The following FANCB variants were observed in gnomAD, a reference collection of about 807,000 sequenced individuals.
FANCB encodes the protein Fanconi anemia group B protein.
FANCB carries 5 observed loss-of-function variants against 38.9 expected under a neutral mutation model. The observed-to-expected ratio is 0.13, with a 90% CI of 0.07 to 0.27. The LOEUF (loss-of-function observed/expected upper bound fraction) is 0.27, where lower values mean the gene tolerates loss of function less well. FANCB is among the 10% of genes least tolerant of loss of function. FANCB has a pLI of 1.00. For missense variants in FANCB, 573 were observed against 602.7 expected, an observed-to-expected ratio of 0.95 and a Z score of 0.52; for synonymous variants, 236 against 215.4, an observed-to-expected ratio of 1.10 and a Z score of -0.84.
At chrX:14,779,237 C>T in the FANCB span, among the ~76,000 whole-genome samples, 1 of 112,559 alleles carries the variant, frequency 8.9e-6, no homozygotes, top group African/African-American at 3.2e-5. Context: ...AAATCACTTG[C>T]ACACAAATTC....
chrX:14,807,485 A>C, the FANCB span, among the ~76,000 whole-genome samples: 1 of 112,499 alleles, frequency 8.9e-6, no homozygotes, highest in South Asian at 3.7e-4. Context: ...TTGATGTATT[A>C]CGATAAGTTA....
At chrX:14,707,556 A>G in the FANCB span, among the ~76,000 whole-genome samples, 1,303 of 72,038 alleles carry the variant, frequency 0.018, 31 homozygotes, top group African/African-American at 0.06. Context: ...TAGTTTTTTA[A>G]CCCACCCCCC....
At chrX:14,815,073 G>A in the FANCB span, among the ~76,000 whole-genome samples, 7 of 111,236 alleles carry the variant, frequency 6.3e-5, no homozygotes, top group South Asian at 2.6e-3. Context: ...CACAAGGACA[G>A]AAAACCAAAC....
chrX:14,797,924 G>A, the FANCB span, among the ~76,000 whole-genome samples: 2 of 110,452 alleles, frequency 1.8e-5, no homozygotes, highest in Non-Finnish European at 3.8e-5. Flanking sequence ...GGGTAGCCAA[G>A]TGTTTCCTCT....
At chrX:14,694,318 A>AAT in the FANCB span, among the ~76,000 whole-genome samples, 5 of 111,748 alleles carry the variant, frequency 4.5e-5, no homozygotes, top group Admixed American at 1.9e-4. Flanking sequence ...TCACAGGTTA[A>AAT]ATATATATAT....
chrX:14,758,990 G>C, the FANCB span, among the ~76,000 whole-genome samples: 1 of 110,583 alleles, frequency 9.0e-6, no homozygotes, highest in Admixed American at 9.6e-5. Flanking sequence ...AGATATGAAG[G>C]GAAAAATCTT....
At chrX:14,825,965 G>C in the FANCB span, among the ~76,000 whole-genome samples, 5 of 112,215 alleles carry the variant, frequency 4.5e-5, no homozygotes, top group African/African-American at 1.6e-4. Flanking sequence ...GAAGTTAACA[G>C]AGACAGTTCT....
the FANCB span, among the ~76,000 whole-genome samples, chrX:14,815,582 T>C: frequency 2.7e-5 from 3 of 112,373 alleles, no homozygotes; most frequent in East Asian, 8.4e-4. Context: ...GGTAAATTAG[T>C]ACAACCTCTA....
intron 7 of FANCB, among the ~76,000 whole-genome samples, chrX:14,846,995 G>C (rs200905642): frequency 4.6e-5 from 5 of 109,756 alleles, no homozygotes; most frequent in African/African-American, 1.7e-4. Flanking sequence ...TGATAATTTT[G>C]GGGGGGTAAT....
At position 14,868,933 on chromosome X, in the gene FANCB, T is replaced by C. The variant is rs1188117159; in HGVS notation, c.-81A>G. 3 of 111,966 alleles carry C rather than the reference T, an allele frequency of 2.7e-5. No homozygotes were observed. The highest frequency in any genetic ancestry group is 5.6e-5 in the Non-Finnish European group (3 of 53,122). 9.2% of individuals were successfully genotyped at this position (111,966 alleles called of 1,213,427 possible). A position where few individuals can be genotyped will look rare whatever the true frequency, so the allele number is the denominator to read the frequency against. On this transcript the variant is annotated 5_prime_UTR_variant, in exon 2 of 10. Coordinates refer to ENST00000650831, the MANE Select transcript of FANCB (RefSeq NM_001018113.3). Reference sequence around the variant, plus strand: ...AAGTCATTGGCTTACTGGTTTGTTGTTAGGCAATTAACAGAAAGATCTGGG... The same window carrying C: ...AAGTCATTGGCTTACTGGTTTGTTGCTAGGCAATTAACAGAAAGATCTGGG...
chrX:14,759,647 A>G, the FANCB span, among the ~76,000 whole-genome samples: 2 of 111,377 alleles, frequency 1.8e-5, no homozygotes, highest in Non-Finnish European at 3.8e-5. Flanking sequence ...GGAAAGATAC[A>G]GTCTTTAATG....
intron 1 of FANCB, among the ~76,000 whole-genome samples, chrX:14,872,208 TC>T (rs1245594019): frequency 8.9e-6 from 1 of 111,828 alleles, no homozygotes; most frequent in Admixed American, 9.5e-5. Flanking sequence ...GTTCATTTTT[TC>T]CCATAAAAAA....
the FANCB span, among the ~76,000 whole-genome samples, chrX:14,705,357 G>A: frequency 8.9e-6 from 1 of 111,893 alleles, no homozygotes. Flanking sequence ...GTATGGAGGC[G>A]TTTTTAGTTC....
chrX:14,781,797 T>A, the FANCB span, among the ~76,000 whole-genome samples: 1 of 112,284 alleles, frequency 8.9e-6, no homozygotes, highest in Non-Finnish European at 1.9e-5. Context: ...AATATTCTAT[T>A]TCTGTGGGAG....
At chrX:14,826,454 A>C in the FANCB span, among the ~76,000 whole-genome samples, 2 of 112,319 alleles carry the variant, frequency 1.8e-5, no homozygotes, top group East Asian at 5.6e-4. Flanking sequence ...TGATTTCTGT[A>C]ATGTATCCAG....
chrX:14,861,224 T>C (rs1483862362), intron 3 of FANCB, among the ~76,000 whole-genome samples: 1 of 111,486 alleles, frequency 9.0e-6, no homozygotes, highest in Non-Finnish European at 1.9e-5. Context: ...TAGATTCTTG[T>C]CAAAACTTGC....
At chrX:14,813,178 A>C in the FANCB span, among the ~76,000 whole-genome samples, 2 of 109,257 alleles carry the variant, frequency 1.8e-5, no homozygotes, top group African/African-American at 6.7e-5. Flanking sequence ...AAATAATAAG[A>C]GCTATCTATG....
the FANCB span, among the ~76,000 whole-genome samples, chrX:14,772,770 C>T: frequency 8.9e-6 from 1 of 111,807 alleles, no homozygotes; most frequent in South Asian, 3.9e-4. Context: ...GCCACGACTC[C>T]ACATAGCTCT....
chrX:14,691,937 T>C, the FANCB span, among the ~76,000 whole-genome samples: 18 of 112,446 alleles, frequency 1.6e-4, no homozygotes, highest in Non-Finnish European at 7.5e-5. Flanking sequence ...GGTGAAGTAA[T>C]AGTTATATGC....
Sources: allele counts gnomAD v4.1 joint callset (sites outside exome capture counted in the v4.1 genomes callset), GRCh38; gene constraint gnomAD v4.1.1; transcripts MANE v1.5; gene names NCBI Gene and HGNC (gene_info 2026-07-23, HGNC 2026-07-21).